The following B9D1 variants were observed in gnomAD, a reference collection of about 807,000 sequenced individuals.
B9D1 encodes B9 domain containing 1.
B9D1 carries 20 observed loss-of-function variants against 26.1 expected under a neutral mutation model. The observed-to-expected ratio is 0.77, with a 90% CI of 0.54 to 1.12. B9D1 has a LOEUF of 1.12. B9D1 is among the 50% of genes most tolerant of loss of function. B9D1 has a pLI of 0.00. For missense variants in B9D1, 260 were observed against 273.7 expected, an observed-to-expected ratio of 0.95 and a Z score of 0.35; for synonymous variants, 105 against 103.1, an observed-to-expected ratio of 1.02 and a Z score of -0.11.
rs1909089415 is a variant in B9D1, at chr17:19,348,012, G to A, written c.245-132C>T. On this transcript the variant is annotated intron_variant, in intron 3 of 6. Transcript: ENST00000261499. ...AACTCTGGGGTGGCAGGCTTGAGAG[G>A]GGACAGGAGCAGGCATGGGAACCCA... is the stretch of plus-strand genomic sequence containing the variant. 8 of 773,762 alleles carry A rather than the reference G, an allele frequency of 1.0e-5. No individual in the cohort carries two copies. In the Admixed American group the frequency reaches 1.6e-4, roughly 16 times the overall value. The allele number at this position is 773,762 out of a possible 1,614,324, so 47.9% of individuals were successfully genotyped here. A position where few individuals can be genotyped will look rare whatever the true frequency, so the allele number is the denominator to read the frequency against.
At chr17:19,339,415 T>A (rs990753165), downstream of B9D1, among the ~76,000 whole-genome samples, 1 of 152,142 alleles carries the variant, frequency 6.6e-6, no homozygotes, top group African/African-American at 2.4e-5. Context: ...TCTTAGCAAA[T>A]GTCTTGTACT....
chr17:19,343,562 G>T (rs1908256963), intron 6 of B9D1, 101 bp from the exon 7 acceptor site: 1 of 1,586,486 alleles, frequency 6.3e-7, no homozygotes, highest in African/African-American at 1.3e-5. Flanking sequence ...TGTAAAATGG[G>T]GACAACAGTG....
intron 3 of B9D1, among the ~76,000 whole-genome samples, chr17:19,349,487 G>A (rs1909306698): frequency 6.6e-6 from 1 of 151,708 alleles, no homozygotes; most frequent in Admixed American, 6.6e-5. Flanking sequence ...CTGGGCTGAA[G>A]TGATCCTCCC....
upstream of B9D1, chr17:19,364,592 A>C (rs1050046376): frequency 2.0e-5 from 3 of 152,218 alleles, no homozygotes; most frequent in African/African-American, 7.2e-5. This position sits in a 1 kb window ranked among gnomAD's most constrained non-coding sequence, Gnocchi z 4.3. Context: ...TTGGGGTGGG[A>C]TGTAGGGATC....
chr17:19,341,498 C>A (rs569667419), downstream of B9D1, among the ~76,000 whole-genome samples: 2 of 152,320 alleles, frequency 1.3e-5, no homozygotes, highest in African/African-American at 2.4e-5. Flanking sequence ...CACTGTATCT[C>A]CCACACACCT....
intron 1 of B9D1, among the ~76,000 whole-genome samples, chr17:19,376,143 G>A (rs934079672): frequency 2.0e-5 from 3 of 152,186 alleles, no homozygotes; most frequent in Non-Finnish European, 4.4e-5. Flanking sequence ...CATTAGTATA[G>A]AGCATCCACA....
At chr17:19,368,204 G>A (rs774118075) in intron 1 of B9D1, among the ~76,000 whole-genome samples, 12 of 152,190 alleles carry the variant, frequency 7.9e-5, no homozygotes, top group African/African-American at 1.2e-4. Flanking sequence ...AGTCACTGCC[G>A]TATTCTGGGC....
At chr17:19,335,499 A>G (rs895861305), downstream of B9D1, 1 of 1,542,498 alleles carries the variant, frequency 6.5e-7, no homozygotes, top group Admixed American at 2.0e-5. Flanking sequence ...CTCTGTCTTA[A>G]TCCACGCTCA....
chr17:19,366,516 AC>A (rs1031394764), upstream of B9D1, among the ~76,000 whole-genome samples: 1 of 151,888 alleles, frequency 6.6e-6, no homozygotes, highest in Non-Finnish European at 1.5e-5. Context: ...CCTCACAGTG[AC>A]CCCCCAGACC....
intron 1 of B9D1, chr17:19,377,805 TGCAGCCCAAA>T: frequency 1.0e-6 from 1 of 982,204 alleles, no homozygotes; most frequent in Non-Finnish European, 1.2e-6. Flanking sequence ...TTAACTCCGC[TGCAGCCCAAA>T]GCACGGGAAT....
At chr17:19,361,293 A>G (rs907266647) in intron 1 of B9D1, among the ~76,000 whole-genome samples, 1 of 152,152 alleles carries the variant, frequency 6.6e-6, no homozygotes, top group Admixed American at 6.5e-5. Context: ...AATCATCCCA[A>G]AACCATCCCT....
At chr17:19,376,624 C>CAAAAAAAAA (rs56972267) in intron 1 of B9D1, among the ~76,000 whole-genome samples, 12 of 48,964 alleles carry the variant, frequency 2.5e-4, no homozygotes, top group Non-Finnish European at 4.1e-4. Flanking sequence ...TACTAAAATA[C>CAAAAAAAAA]AAAAAAAAAA....
chr17:19,348,611 G>T (rs1232244632), intron 3 of B9D1, among the ~76,000 whole-genome samples: 3 of 152,172 alleles, frequency 2.0e-5, no homozygotes, highest in African/African-American at 7.2e-5. Context: ...AGAGGTTTGT[G>T]CCCTTCCCAT....
intron 1 of B9D1, among the ~76,000 whole-genome samples, chr17:19,361,677 C>A (rs1039683571): frequency 6.6e-6 from 1 of 152,126 alleles, no homozygotes; most frequent in African/African-American, 2.4e-5. Context: ...GCAGGAGACA[C>A]CTACAAAGCA....
At chr17:19,367,273 T>C (rs1354376286), upstream of B9D1, among the ~76,000 whole-genome samples, 2 of 152,154 alleles carry the variant, frequency 1.3e-5, no homozygotes, top group Non-Finnish European at 2.9e-5. Flanking sequence ...GTGTGTTTAT[T>C]TTTTGAGAGG....
intron 3 of B9D1, among the ~76,000 whole-genome samples, chr17:19,355,619 G>A: frequency 6.6e-6 from 1 of 151,584 alleles, no homozygotes; most frequent in East Asian, 1.9e-4. Context: ...CACGAGGTCA[G>A]GAGATCGAGA....
chr17:19,375,510 C>A (rs1036529660), intron 1 of B9D1, among the ~76,000 whole-genome samples: 1 of 152,264 alleles, frequency 6.6e-6, no homozygotes, highest in Admixed American at 6.5e-5. Flanking sequence ...GTAATCCCAG[C>A]ACTTTGGGAG....
In B9D1 at chr17:19,362,623, A is replaced by G. The variant is rs1292450482; in HGVS notation, c.-54T>C. 1 of 1,567,864 alleles carries G rather than the reference A, an allele frequency of 6.4e-7. No homozygotes were observed. Among genetic ancestry groups the G allele is most frequent in the East Asian group, 2.3e-5 (1 of 43,136 alleles). On this transcript the variant is annotated 5_prime_UTR_variant, in exon 1 of 7. Transcript: ENST00000261499. ...ACCTAGGCCGCGCGCGGTTGCTAAG[A>G]GACGCCGGCGTTGCCCTAGAAACAG...
chr17:19,361,787 G>A (rs1392892654), intron 1 of B9D1, among the ~76,000 whole-genome samples: 1 of 152,226 alleles, frequency 6.6e-6, no homozygotes, highest in African/African-American at 2.4e-5. Flanking sequence ...TGGAAGGACA[G>A]TGTAGTGAAG....
Sources: gnomAD v4.1 joint callset for allele counts (sites outside exome capture counted in the v4.1 genomes callset) on GRCh38, gnomAD v4.1.1 for gene constraint, Gnocchi (gnomAD v3.1) non-coding constraint, MANE v1.5 for transcripts, NCBI Gene and HGNC (gene_info 2026-07-23, HGNC 2026-07-21) for gene names.